The following SPIDR variants were observed in gnomAD, a reference collection of about 807,000 sequenced individuals.
SPIDR encodes the protein DNA repair-scaffolding protein.
In SPIDR, 93 loss-of-function variants were observed where a neutral mutation model predicts 104.6. That is an observed-to-expected ratio of 0.89 (90% CI 0.75 to 1.06). SPIDR has a LOEUF of 1.06. Ranked by LOEUF, SPIDR falls within the 50% of genes least tolerant of loss-of-function variation. The probability of loss-of-function intolerance (pLI) is 0.00; values close to 1 mark genes in which losing one functional copy is unlikely to be tolerated. For synonymous variants in SPIDR, 431 were observed against 416.9 expected (o/e 1.03, Z -0.41); for missense variants, 1,154 against 1,111.2 (o/e 1.04, Z -0.55).
intron 8 of SPIDR, among the ~76,000 whole-genome samples, chr8:47,582,220 C>CAA (rs5891245): frequency 0.027 from 3,824 of 142,214 alleles, 113 homozygotes; most frequent in African/African-American, 0.079. Context: ...GACTCCATCT[C>CAA]AAAAAAAAAA....
intron 8 of SPIDR, among the ~76,000 whole-genome samples, chr8:47,548,594 G>T (rs2089898786): frequency 6.6e-6 from 1 of 152,214 alleles, no homozygotes; most frequent in African/African-American, 2.4e-5. Flanking sequence ...GTTGCAGTCA[G>T]CTGCGATTGC....
chr8:47,715,590 A>G (rs974230084), intron 16 of SPIDR, among the ~76,000 whole-genome samples: 3 of 152,248 alleles, frequency 2.0e-5, no homozygotes, highest in Non-Finnish European at 4.4e-5. Flanking sequence ...CACAAACCTA[A>G]CATACTATGT....
intron 16 of SPIDR, among the ~76,000 whole-genome samples, chr8:47,717,475 C>A (rs2154490687): frequency 6.6e-6 from 1 of 152,320 alleles, no homozygotes. Flanking sequence ...CCTGAAGAAC[C>A]CCAAGGAGGG....
At chr8:47,565,428 A>G (rs2057665342) in intron 8 of SPIDR, among the ~76,000 whole-genome samples, 1 of 152,208 alleles carries the variant, frequency 6.6e-6, no homozygotes, top group Non-Finnish European at 1.5e-5. Context: ...TTTAAAAGTG[A>G]AAATAAAGAA....
At chr8:47,515,159 A>AT (rs796520787) in intron 8 of SPIDR, among the ~76,000 whole-genome samples, 30 of 152,264 alleles carry the variant, frequency 2.0e-4, no homozygotes, top group African/African-American at 6.7e-4. Context: ...CCTTCAACTG[A>AT]TTCTAGTGTG....
intron 10 of SPIDR, among the ~76,000 whole-genome samples, chr8:47,652,939 T>A (rs1429372237): frequency 6.6e-6 from 1 of 152,196 alleles, no homozygotes; most frequent in Non-Finnish European, 1.5e-5. Context: ...GTTGTGCTAG[T>A]AGGCCCACTA....
intron 16 of SPIDR, among the ~76,000 whole-genome samples, chr8:47,719,099 G>T (rs972991806): frequency 6.6e-6 from 1 of 152,152 alleles, no homozygotes; most frequent in African/African-American, 2.4e-5. Context: ...CCATTGGTTT[G>T]CCAATGAGAA....
Position 47,600,762 on chromosome 8 carries a change from A to G in SPIDR, c.1544+1566A>G, listed in dbSNP as rs2062176447. ...TTTTTAATGACACATATCCAGTGTT[A>G]GGTTTTGAAGAAGGGGATACTAGTT... On this transcript the variant is annotated intron_variant, in intron 10 of 19. Transcript: ENST00000297423. 2.6e-5 allele frequency among the ~76,000 whole-genome samples: 4 copies of G among 152,266 alleles called. No homozygotes were observed. The South Asian group carries it at 8.3e-4, about 32-fold the overall frequency.
At chr8:47,292,841 G>C (rs1554570265) in intron 4 of SPIDR, among the ~76,000 whole-genome samples, 3 of 152,072 alleles carry the variant, frequency 2.0e-5, no homozygotes, top group African/African-American at 7.2e-5. Flanking sequence ...ATCTCGAATG[G>C]TGTGATGGGC....
At chr8:47,585,112 C>T (rs527432579) in intron 8 of SPIDR, among the ~76,000 whole-genome samples, 3 of 152,228 alleles carry the variant, frequency 2.0e-5, no homozygotes, top group African/African-American at 7.2e-5. Context: ...ATAAGCTTTA[C>T]GTATAATTAA....
At chr8:47,383,234 A>G (rs142135321) in intron 5 of SPIDR, among the ~76,000 whole-genome samples, 11 of 152,100 alleles carry the variant, frequency 7.2e-5, no homozygotes, top group African/African-American at 1.4e-4. Context: ...TAAAACTCCA[A>G]ATAGTATTTT....
At chr8:47,420,489 A>AT (rs1170894671) in intron 7 of SPIDR, among the ~76,000 whole-genome samples, 4 of 151,802 alleles carry the variant, frequency 2.6e-5, no homozygotes, top group African/African-American at 9.7e-5. Flanking sequence ...CCATCCTTTT[A>AT]TTTTGAGCCT....
At chr8:47,563,978 G>A (rs2057420817) in intron 8 of SPIDR, among the ~76,000 whole-genome samples, 1 of 151,488 alleles carries the variant, frequency 6.6e-6, no homozygotes, top group African/African-American at 2.4e-5. Context: ...AACTTATAAA[G>A]TGTGAAGAAG....
intron 8 of SPIDR, among the ~76,000 whole-genome samples, chr8:47,469,358 C>T (rs1197758436): frequency 6.6e-6 from 1 of 152,124 alleles, no homozygotes; most frequent in Non-Finnish European, 1.5e-5. Context: ...TCAGAAATCC[C>T]ATTACTGGGT....
intron 8 of SPIDR, among the ~76,000 whole-genome samples, chr8:47,535,813 G>C (rs762691357): frequency 2.6e-5 from 4 of 151,804 alleles, no homozygotes; most frequent in Non-Finnish European, 5.9e-5. Flanking sequence ...TTCCCACTGA[G>C]AGCAGGAGCA....
intron 5 of SPIDR, among the ~76,000 whole-genome samples, chr8:47,335,525 ACTGCAACCTCCACCTCC>A (rs2049527191): frequency 6.6e-6 from 1 of 152,172 alleles, no homozygotes; most frequent in African/African-American, 2.4e-5. Context: ...ATCTCAGCTT[ACTGCAACCTCCACCTCC>A]CAGGTTCAAG....
chr8:47,284,693 G>A (rs1374925603), intron 3 of SPIDR, among the ~76,000 whole-genome samples: 10 of 152,158 alleles, frequency 6.6e-5, no homozygotes, highest in African/African-American at 2.4e-4. Flanking sequence ...TGAATTCTTG[G>A]AAGAGTGTAG....
rs1237520949 is a variant in SPIDR at position 47,291,132 on chromosome 8, A to G, written c.356A>G (p.Gln119Arg). ...SDEDKTLSQLQRDELQFIDWE... is the reference protein window; with the variant it reads ...SDEDKTLSQLRRDELQFIDWE... ...GAAGATAAGACACTTTCTCAGTTACAGAGAGGTAATGGACATTGCTCTAGA... is the reference window on the plus strand; with the variant it reads ...GAAGATAAGACACTTTCTCAGTTACGGAGAGGTAATGGACATTGCTCTAGA... Residue 119 changes from glutamine to arginine, a missense_variant, in exon 4 of 20, where the codon CAG becomes CGG. Transcript: ENST00000297423. 1 of 1,609,148 alleles carries G rather than the reference A, an allele frequency of 6.2e-7. No homozygotes were observed. The highest frequency in any genetic ancestry group is 8.5e-7 in the Non-Finnish European group (1 of 1,176,516).
chr8:47,659,693 T>G, intron 10 of SPIDR: 2 of 983,262 alleles, frequency 2.0e-6, no homozygotes, highest in Non-Finnish European at 2.4e-6. Context: ...GCGCTCAGGT[T>G]CCAGCCCTCT....
Sources: gnomAD v4.1 joint callset for allele counts (sites outside exome capture counted in the v4.1 genomes callset) on GRCh38, gnomAD v4.1.1 for gene constraint, MANE v1.5 for transcripts, NCBI Gene and HGNC (gene_info 2026-07-23, HGNC 2026-07-21) for gene names.